PRKG2: variants seen among roughly 807,000 people sequenced by gnomAD.
PRKG2 encodes the protein cGMP-dependent protein kinase 2.
PRKG2 carries 33 observed loss-of-function variants against 97.2 expected under a neutral mutation model. The observed-to-expected ratio is 0.34, with a 90% CI of 0.26 to 0.45. The LOEUF (loss-of-function observed/expected upper bound fraction) is 0.45, where lower values mean the gene tolerates loss of function less well. Ranked by LOEUF, PRKG2 falls within the 20% of genes least tolerant of loss-of-function variation. PRKG2 has a pLI of 1.00. For synonymous variants in PRKG2, 330 were observed against 321.8 expected, an observed-to-expected ratio of 1.03 and a Z score of -0.27; for missense variants, 638 against 900.0, an observed-to-expected ratio of 0.71 and a Z score of 3.73.
chr4:81,130,422 G>A (rs1185002441), intron 14 of PRKG2, among the ~76,000 whole-genome samples: 2 of 152,168 alleles, frequency 1.3e-5, no homozygotes, highest in Admixed American at 1.3e-4. Context: ...TGAGATATCT[G>A]TTGATACCTG....
intron 14 of PRKG2, among the ~76,000 whole-genome samples, chr4:81,112,390 G>A (rs993253538): frequency 1.3e-4 from 20 of 152,054 alleles, no homozygotes; most frequent in Non-Finnish European, 5.9e-5. Flanking sequence ...AAATTTAAAA[G>A]GCAAGAAAGT....
chr4:81,155,131 T>A (rs2110064151), intron 6 of PRKG2, among the ~76,000 whole-genome samples: 1 of 130,424 alleles, frequency 7.7e-6, no homozygotes, highest in Non-Finnish European at 1.5e-5. Context: ...TGAGCCGAGA[T>A]CCCGCCACTG....
At chr4:81,183,999 G>T (rs1312619330) in intron 2 of PRKG2, among the ~76,000 whole-genome samples, 1 of 152,174 alleles carries the variant, frequency 6.6e-6, no homozygotes, top group African/African-American at 2.4e-5. Context: ...CCCAGGAAGG[G>T]GTTAATAGAT....
chr4:81,176,259 C>A (rs901645968), intron 2 of PRKG2, among the ~76,000 whole-genome samples: 2 of 152,080 alleles, frequency 1.3e-5, no homozygotes, highest in African/African-American at 4.8e-5. Context: ...CATTTTATTT[C>A]CCATTTTCAA....
chr4:81,093,360 A>AACACACACACAC (rs60004845), intron 17 of PRKG2, among the ~76,000 whole-genome samples: 13 of 116,382 alleles, frequency 1.1e-4, no homozygotes, highest in African/African-American at 3.7e-4. Flanking sequence ...CTCCCCCACC[A>AACACACACACAC]ACACACACAC....
chr4:81,171,668 T>C, intron 4 of PRKG2, 23 bp downstream of exon 4: 2 of 1,541,254 alleles, frequency 1.3e-6, no homozygotes, highest in South Asian at 1.2e-5. Flanking sequence ...AATTCAAAGA[T>C]GGAGCATTTC....
chr4:81,159,812 AC>A, intron 6 of PRKG2, among the ~76,000 whole-genome samples: 1 of 152,068 alleles, frequency 6.6e-6, no homozygotes, highest in East Asian at 1.9e-4. Flanking sequence ...CTTTGTAGGG[AC>A]ATGGATGAAA....
Position 81,089,022 on chromosome 4 carries a change from A to G in PRKG2, c.*686T>C, listed in dbSNP as rs1404876570. The G allele has an allele frequency of 6.6e-6, 1 of 152,174 alleles. No individual in the cohort carries two copies. The highest frequency in any genetic ancestry group is 1.5e-5 in the Non-Finnish European group (1 of 68,024). 9.4% of individuals were successfully genotyped at this position (152,174 alleles called of 1,614,324 possible). ...TCACTGATCATAAAGGAGAGAAAAT[A>G]TTTCTTGCTTTACTTTTTTTTCTAA... On this transcript the variant is annotated 3_prime_UTR_variant, in exon 19 of 19. Coordinates refer to ENST00000264399, the MANE Select transcript of PRKG2 (RefSeq NM_006259.3).
intron 2 of PRKG2, among the ~76,000 whole-genome samples, chr4:81,181,285 A>C (rs1171788902): frequency 3.3e-5 from 5 of 152,120 alleles, no homozygotes; most frequent in Non-Finnish European, 5.9e-5. Context: ...ATACATTTCT[A>C]AACAACCCAT....
intron 14 of PRKG2, among the ~76,000 whole-genome samples, chr4:81,126,335 A>G (rs561676899): frequency 3.8e-4 from 58 of 152,318 alleles, no homozygotes; most frequent in Non-Finnish European, 5.6e-4. Flanking sequence ...TGCAATAAAC[A>G]TACATGTGCA....
intron 17 of PRKG2, among the ~76,000 whole-genome samples, chr4:81,095,015 C>T (rs1042345738): frequency 2.0e-5 from 3 of 152,144 alleles, no homozygotes; most frequent in East Asian, 1.9e-4. Context: ...GGCAGGGAGA[C>T]TTTCAGAAGG....
At chr4:81,213,535 C>T (rs1157836251) in intron 1 of PRKG2, among the ~76,000 whole-genome samples, 1 of 152,088 alleles carries the variant, frequency 6.6e-6, no homozygotes, top group Non-Finnish European at 1.5e-5. Context: ...TGGGGATAGA[C>T]ACTCAACTAC....
At chr4:81,135,122 A>G (rs572658515) in intron 14 of PRKG2, 33 bp downstream of exon 14, 56 of 1,573,068 alleles carry the variant, frequency 3.6e-5, no homozygotes, top group Non-Finnish European at 4.3e-5. Flanking sequence ...GAAATATCTC[A>G]TATGAGACTG....
At chr4:81,133,660 T>C (rs1011149262) in intron 14 of PRKG2, among the ~76,000 whole-genome samples, 8 of 152,198 alleles carry the variant, frequency 5.3e-5, no homozygotes, top group Non-Finnish European at 1.0e-4. Flanking sequence ...TAGCTAGAAA[T>C]TGAAATATTT....
chr4:81,157,200 A>G (rs935041566), intron 6 of PRKG2, among the ~76,000 whole-genome samples: 3 of 152,216 alleles, frequency 2.0e-5, no homozygotes, highest in Non-Finnish European at 4.4e-5. Flanking sequence ...AATAAAGAAA[A>G]AAAGAGAGAA....
At chr4:81,203,692 G>A (rs1027689423) in intron 2 of PRKG2, among the ~76,000 whole-genome samples, 32 of 151,850 alleles carry the variant, frequency 2.1e-4, no homozygotes, top group African/African-American at 5.3e-4. Context: ...TCAAACTTTC[G>A]CCCATAAAGA....
intron 1 of PRKG2, among the ~76,000 whole-genome samples, chr4:81,212,125 T>C (rs1289582840): frequency 2.0e-5 from 3 of 152,180 alleles, no homozygotes; most frequent in Admixed American, 1.3e-4. Flanking sequence ...CATCCAACCT[T>C]GTGACTGTTG....
At chr4:81,119,050 GCTT>G in intron 14 of PRKG2, among the ~76,000 whole-genome samples, 1 of 152,158 alleles carries the variant, frequency 6.6e-6, no homozygotes, top group Non-Finnish European at 1.5e-5. Flanking sequence ...ACCTAACTTG[GCTT>G]CTCAAAGTGC....
In PRKG2 at chr4:81,135,138, G is replaced by A. The variant is rs768396717; in HGVS notation, c.1776+17C>T. The A allele has an allele frequency of 2.5e-6, 4 of 1,594,612 alleles. No individual in the cohort carries two copies. In the South Asian group the frequency reaches 3.4e-5, roughly 14 times the overall value. On this transcript the variant is annotated intron_variant, in intron 14 of 18. Transcript: ENST00000264399. ...AAATATCTCATATGAGACTGTAAGT[G>A]AGAAAAGTTGTCTTACCAATTTAAG...
Sources: allele counts gnomAD v4.1 joint callset (sites outside exome capture counted in the v4.1 genomes callset), GRCh38; gene constraint gnomAD v4.1.1; transcripts MANE v1.5; gene names NCBI Gene and HGNC (gene_info 2026-07-23, HGNC 2026-07-21).